Variants in ARHGEF10 observed in about 807,000 individuals in gnomAD.
ARHGEF10 encodes Rho guanine nucleotide exchange factor 10.
ARHGEF10 carries 140 observed loss-of-function variants against 147.4 expected under a neutral mutation model. The ratio of observed to expected loss-of-function variants is 0.95; its 90% CI spans 0.83 to 1.09. The LOEUF is 1.09. Ranked by LOEUF, ARHGEF10 falls within the 50% of genes least tolerant of loss-of-function variation. ARHGEF10 has a pLI of 0.00. For synonymous variants in ARHGEF10, 902 were observed against 695.8 expected (o/e 1.30, Z -4.67); for missense variants, 2,222 against 1,752.7 (o/e 1.27, Z -4.78).
chr8:1,853,815 C>G (rs2129064795), intron 2 of ARHGEF10, among the ~76,000 whole-genome samples: 1 of 152,260 alleles, frequency 6.6e-6, no homozygotes, highest in East Asian at 1.9e-4. Context: ...GCTGTGGGCA[C>G]TCCCGGGAGT....
chr8:1,955,804 C>G (rs572369652), intron 28 of ARHGEF10, among the ~76,000 whole-genome samples: 2 of 152,272 alleles, frequency 1.3e-5, no homozygotes. Flanking sequence ...GGCAGAAGCT[C>G]CTTCTGGGGG....
chr8:1,852,113 A>G (rs1219853179), intron 2 of ARHGEF10, among the ~76,000 whole-genome samples: 1 of 152,148 alleles, frequency 6.6e-6, no homozygotes, highest in Non-Finnish European at 1.5e-5. Flanking sequence ...ATTGATAAGA[A>G]TTAAATAACA....
intron 11 of ARHGEF10, among the ~76,000 whole-genome samples, chr8:1,893,134 C>T (rs974356719): frequency 2.2e-5 from 3 of 137,940 alleles, no homozygotes; most frequent in Non-Finnish European, 4.6e-5. Context: ...ATTCCACAAA[C>T]TTTGTTTTCT....
intron 2 of ARHGEF10, among the ~76,000 whole-genome samples, chr8:1,844,624 G>T (rs545193783): frequency 6.6e-6 from 1 of 152,146 alleles, no homozygotes; most frequent in Non-Finnish European, 1.5e-5. Flanking sequence ...CCCGGTACCG[G>T]AAACCCGAGG....
At chr8:1,864,230 T>G in intron 4 of ARHGEF10, 143 bp from the exon 5 acceptor site, 1 of 807,202 alleles carries the variant, frequency 1.2e-6, no homozygotes, top group South Asian at 1.5e-5. Context: ...GCTAAAAATT[T>G]TTAAGTTTAT....
rs758514191 is a variant in ARHGEF10 at position 1,882,601 on chromosome 8, C to A, written c.961-34C>A. Reference sequence around the variant, plus strand: ...TGAAAGTCGCAGGTGGGTTCTGCCGCCGTCCCGTTCTCACATCTCCCTCTC... The same window carrying A: ...TGAAAGTCGCAGGTGGGTTCTGCCGACGTCCCGTTCTCACATCTCCCTCTC... On this transcript the variant is annotated intron_variant, in intron 9 of 28. Coordinates refer to ENST00000349830, the MANE Select transcript of ARHGEF10 (RefSeq NM_014629.4). The A allele has an allele frequency of 6.5e-6, 10 of 1,530,440 alleles. No homozygotes were observed. In the Middle Eastern group the frequency reaches 1.0e-3, roughly 154 times the overall value. The allele number at this position is 1,530,440 out of a possible 1,614,324, so 94.8% of individuals were successfully genotyped here.
chr8:1,892,584 C>G (rs577480346), intron 11 of ARHGEF10, among the ~76,000 whole-genome samples: 1 of 151,860 alleles, frequency 6.6e-6, no homozygotes, highest in Admixed American at 6.6e-5. Context: ...CTTCAAATAG[C>G]ATAATCCAGG....
intron 2 of ARHGEF10, among the ~76,000 whole-genome samples, chr8:1,850,138 G>T (rs1804967228): frequency 7.2e-6 from 1 of 138,846 alleles, no homozygotes. Context: ...CAAATGCTGA[G>T]GAGGGTGTGG....
At chr8:1,835,744 G>A (rs35486316) in intron 1 of ARHGEF10, among the ~76,000 whole-genome samples, 67,674 of 152,072 alleles carry the variant, frequency 0.45, 15,393 homozygotes, top group Middle Eastern at 0.55. Context: ...ACGCTGAACA[G>A]CGTCAGGGAG....
intron 1 of ARHGEF10, among the ~76,000 whole-genome samples, chr8:1,831,545 GCCGTGGAGGGACAGTGTGACAT>G (rs1563146286): frequency 8.6e-5 from 4 of 46,362 alleles, no homozygotes; most frequent in Admixed American, 3.9e-4. Flanking sequence ...CAGTGTGACG[GCCGTGGAGGGACAGTGTGACAT>G]CCGTGGAGGG....
rs777716339 is a variant in ARHGEF10 at position 1,909,402 on chromosome 8, G to A, written c.2075G>A (p.Gly692Asp). The A allele has an allele frequency of 2.5e-6, 4 of 1,614,140 alleles. No homozygotes were observed. In the Admixed American group the frequency reaches 5.0e-5, roughly 20 times the overall value. The change falls in exon 18 of 29, where the codon GGC (glycine) becomes GAC (aspartate). Residue 692 changes from glycine (G) to aspartate (D), a missense_variant. Gly to Asp is a moderately conservative substitution (Grantham distance 94, BLOSUM62 -1). Coordinates refer to ENST00000349830, the MANE Select transcript of ARHGEF10 (RefSeq NM_014629.4). ...GAGTATGGCAGCAGCGCAGGCACGGGCGAGCACAGCAGGCACCTTGCCGTT... is the reference window on the plus strand; with the variant it reads ...GAGTATGGCAGCAGCGCAGGCACGGACGAGCACAGCAGGCACCTTGCCGTT... ...AIEYGSSAGTGEHSRHLAVHP... is the reference protein window; with the variant it reads ...AIEYGSSAGTDEHSRHLAVHP...
intron 1 of ARHGEF10, among the ~76,000 whole-genome samples, chr8:1,841,777 A>G (rs1804050458): frequency 6.6e-6 from 1 of 151,836 alleles, no homozygotes; most frequent in Non-Finnish European, 1.5e-5. Context: ...CTCGTGTGCC[A>G]TGTTGGTGAA....
At chr8:1,945,765 A>G (rs1437682716) in intron 27 of ARHGEF10, 110 bp downstream of exon 27, 1 of 1,471,694 alleles carries the variant, frequency 6.8e-7, no homozygotes, top group East Asian at 2.3e-5. Context: ...GACACTGTTC[A>G]CAACATGCTG....
chr8:1,833,453 G>C (rs945727497), intron 1 of ARHGEF10, among the ~76,000 whole-genome samples: 28 of 151,682 alleles, frequency 1.8e-4, no homozygotes, highest in Non-Finnish European at 3.5e-4. Context: ...GGCAGAGACA[G>C]GGGCAGAGGC....
At chr8:1,858,243 C>T in intron 3 of ARHGEF10, 128 bp downstream of exon 3, 1 of 799,126 alleles carries the variant, frequency 1.3e-6, no homozygotes, top group Non-Finnish European at 1.9e-6. Flanking sequence ...CAGGTGGGTC[C>T]CCAGGTGAGT....
rs1433657717 is a variant in ARHGEF10 at position 1,925,389 on chromosome 8, G to A, written c.2595G>A (p.Lys865=). 8 of 1,614,036 alleles carry A rather than the reference G, an allele frequency of 5.0e-6. No individual in the cohort carries two copies. The highest frequency in any genetic ancestry group is 6.8e-6 in the Non-Finnish European group (8 of 1,180,038). ...LVGHMPVMVA[K]QQEFKIECAA... ...GACACATGCCCGTGATGGTGGCCAAGCAGCAGGAGTTCAAGGTGAAGGGAG... is the reference window on the plus strand; with the variant it reads ...GACACATGCCCGTGATGGTGGCCAAACAGCAGGAGTTCAAGGTGAAGGGAG... The change falls in exon 22 of 29, where the codon AAG becomes AAA. Residue 865 remains lysine, a synonymous_variant. Transcript: ENST00000349830.
intron 1 of ARHGEF10, among the ~76,000 whole-genome samples, chr8:1,842,362 G>A (rs1382920497): frequency 6.6e-6 from 1 of 152,198 alleles, no homozygotes; most frequent in South Asian, 2.1e-4. Flanking sequence ...AAGGGAATTC[G>A]CCGGCCTGGT....
At chr8:1,900,315 G>A (rs1810349239) in intron 15 of ARHGEF10, among the ~76,000 whole-genome samples, 1 of 152,162 alleles carries the variant, frequency 6.6e-6, no homozygotes, top group South Asian at 2.1e-4. Flanking sequence ...AGCCCGAGCA[G>A]CTCCCACGTT....
At chr8:1,885,860 G>C (rs935664973) in intron 11 of ARHGEF10, among the ~76,000 whole-genome samples, 153 bp downstream of exon 11, 2 of 152,208 alleles carry the variant, frequency 1.3e-5, no homozygotes, top group African/African-American at 4.8e-5. Context: ...CCAGCACTTA[G>C]AGGCTTACTG....
Sources: allele counts gnomAD v4.1 joint callset (sites outside exome capture counted in the v4.1 genomes callset), GRCh38; gene constraint gnomAD v4.1.1; transcripts MANE v1.5; gene names NCBI Gene and HGNC (gene_info 2026-07-23, HGNC 2026-07-21).